The following SUZ12 variants were observed in gnomAD, a reference collection of about 807,000 sequenced individuals.
SUZ12 encodes the protein polycomb protein SUZ12.
SUZ12 carries 17 observed loss-of-function variants against 87.3 expected under a neutral mutation model. The ratio of observed to expected loss-of-function variants is 0.19; its 90% confidence interval spans 0.13 to 0.29. The LOEUF is 0.29. SUZ12 is among the 10% of genes least tolerant of loss of function. The probability of loss-of-function intolerance (pLI) is 1.00; values close to 1 mark genes in which losing one functional copy is unlikely to be tolerated. For missense variants in SUZ12, 526 were observed against 912.2 expected (o/e 0.58, Z 5.45); for synonymous variants, 253 against 312.4 (o/e 0.81, Z 2.01).
At chr17:31,973,102 A>G (rs768950266) in intron 5 of SUZ12, 44 bp from the exon 6 acceptor site, 3 of 1,498,132 alleles carry the variant, frequency 2.0e-6, no homozygotes, top group Non-Finnish European at 2.7e-6. Flanking sequence ...TACCTTGTTC[A>G]TATATTTTTT....
chr17:31,939,853 A>G (rs750145805), intron 1 of SUZ12, among the ~76,000 whole-genome samples: 30 of 152,158 alleles, frequency 2.0e-4, no homozygotes, highest in Non-Finnish European at 3.4e-4. Flanking sequence ...TTAAGTGACC[A>G]TTTAAAAAGT....
intron 8 of SUZ12, among the ~76,000 whole-genome samples, chr17:31,982,049 T>G (rs958814479): frequency 2.0e-5 from 3 of 152,240 alleles, no homozygotes; most frequent in African/African-American, 7.2e-5. Flanking sequence ...GTAGTAGTGG[T>G]TACTAGTGTT....
intron 12 of SUZ12, 21 bp from the exon 13 acceptor site, chr17:31,994,543 T>G (rs776515412): frequency 1.3e-6 from 2 of 1,566,960 alleles, no homozygotes. Flanking sequence ...ATATATTTTT[T>G]TTTTTACATT....
At chr17:31,996,211 A>G (rs1909971153) in intron 14 of SUZ12, among the ~76,000 whole-genome samples, 1 of 152,220 alleles carries the variant, frequency 6.6e-6, no homozygotes, top group South Asian at 2.1e-4. Context: ...CCCTGTATCA[A>G]AACAAACAAA....
chr17:31,956,661 CTAT>C lies in SUZ12; in HGVS notation c.455+8981_455+8983del, dbSNP rs559708291. On this transcript the variant is annotated intron_variant, in intron 4 of 15. Transcript: ENST00000322652. ...CGAAAACCCTCCCTACCCACCTCTG[CTAT>C]TATTGCACTTCTCGCCTAGTATTGT... Among the ~76,000 whole-genome samples the C allele has an allele frequency of 2.2e-3, 328 of 152,164 alleles. 1 individual carries two copies. Among genetic ancestry groups the C allele is most frequent in the African/African-American group, 7.2e-3 (298 of 41,510 alleles).
At chr17:31,953,969 C>T (rs1185154412) in intron 4 of SUZ12, among the ~76,000 whole-genome samples, 1 of 152,094 alleles carries the variant, frequency 6.6e-6, no homozygotes, top group Non-Finnish European at 1.5e-5. Flanking sequence ...GCCTCAGCCT[C>T]CCAAAGTGCT....
At chr17:31,985,652 T>C (rs1339267290) in intron 9 of SUZ12, among the ~76,000 whole-genome samples, 1 of 151,738 alleles carries the variant, frequency 6.6e-6, no homozygotes, top group African/African-American at 2.4e-5. Flanking sequence ...TGGTTTTGTT[T>C]TTGTTTTTTT....
intron 1 of SUZ12, among the ~76,000 whole-genome samples, 169 bp downstream of exon 1, chr17:31,937,689 T>C (rs1311856839): frequency 1.5e-5 from 2 of 135,156 alleles, no homozygotes; most frequent in Non-Finnish European, 3.1e-5. Flanking sequence ...GGATCCGGAG[T>C]CCAGGGCCTT....
At position 31,937,098 on chromosome 17, in the gene SUZ12, T is replaced by A; in HGVS notation, c.-149T>A. 1 of 641,994 alleles carries A rather than the reference T, an allele frequency of 1.6e-6. No individual in the cohort carries two copies. Among genetic ancestry groups the A allele is most frequent in the Middle Eastern group, 4.5e-4 (1 of 2,222 alleles). 39.8% of individuals were successfully genotyped at this position (641,994 alleles called of 1,614,324 possible). On this transcript the variant is annotated 5_prime_UTR_variant, in exon 1 of 16. Coordinates refer to ENST00000322652, the MANE Select transcript of SUZ12 (RefSeq NM_015355.4). ...TTTCCTCCCTCCTTCCCTCCTCTCC[T>A]CCTCCCTTCCCTTCCCCTCTCCTCC...
intron 4 of SUZ12, among the ~76,000 whole-genome samples, chr17:31,961,587 T>C (rs1907717455): frequency 6.6e-6 from 1 of 152,176 alleles, no homozygotes; most frequent in African/African-American, 2.4e-5. Flanking sequence ...GGCTATCCTA[T>C]GTAAGGTATA....
At chr17:31,954,015 T>A (rs182460940) in intron 4 of SUZ12, among the ~76,000 whole-genome samples, 1 of 151,884 alleles carries the variant, frequency 6.6e-6, no homozygotes, top group East Asian at 1.9e-4. Context: ...CCCGGCTCAT[T>A]TTTATTTTTA....
At chr17:31,973,039 T>A in intron 5 of SUZ12, 107 bp from the exon 6 acceptor site, 1 of 1,054,840 alleles carries the variant, frequency 9.5e-7, no homozygotes, top group Non-Finnish European at 1.3e-6. Context: ...TTTTGAGAAG[T>A]CTTACTGTGG....
chr17:31,960,242 G>A (rs1028866378), intron 4 of SUZ12, among the ~76,000 whole-genome samples: 5 of 151,676 alleles, frequency 3.3e-5, no homozygotes, highest in Non-Finnish European at 5.9e-5. Context: ...ACGGGGTCTC[G>A]CTCTGTTGCC....
At chr17:31,965,419 T>C (rs1006390892) in intron 4 of SUZ12, among the ~76,000 whole-genome samples, 1 of 152,218 alleles carries the variant, frequency 6.6e-6, no homozygotes, top group African/African-American at 2.4e-5. Context: ...TATCCCATGC[T>C]TATTGTTTTT....
rs749870682 is a variant in SUZ12 at position 31,937,052 on chromosome 17, G to T, written c.-195G>T. ...TGAGCGGCCTCCGAAGCGGAGCGGG[G>T]CTCTGAGGAGACACTTTTTTTTTCC... On this transcript the variant is annotated 5_prime_UTR_variant, in exon 1 of 16. Transcript: ENST00000322652. 4 of 475,052 alleles carry T rather than the reference G, an allele frequency of 8.4e-6. No individual in the cohort carries two copies. The highest frequency in any genetic ancestry group is 5.4e-4 in the Middle Eastern group (1 of 1,854). 29.4% of individuals were successfully genotyped at this position (475,052 alleles called of 1,614,324 possible).
intron 3 of SUZ12, among the ~76,000 whole-genome samples, chr17:31,944,779 T>C (rs1906519555): frequency 6.6e-6 from 1 of 152,208 alleles, no homozygotes; most frequent in Admixed American, 6.5e-5. Flanking sequence ...TACGTAATTA[T>C]GAATGCAAGT....
chr17:31,937,578 G>C, intron 1 of SUZ12, 58 bp downstream of exon 1: 1 of 1,525,630 alleles, frequency 6.6e-7, no homozygotes, highest in South Asian at 1.2e-5. Context: ...ACCGGGGATG[G>C]GACACTCTGC....
chr17:31,952,601 C>T (rs771157998), intron 4 of SUZ12, among the ~76,000 whole-genome samples: 8 of 152,120 alleles, frequency 5.3e-5, no homozygotes, highest in East Asian at 1.9e-4. Flanking sequence ...GTGGCTTTGT[C>T]GCTCAGGCTG....
At chr17:31,939,692 G>A (rs7215147) in intron 1 of SUZ12, among the ~76,000 whole-genome samples, 36,627 of 151,812 alleles carry the variant, frequency 0.24, 6,000 homozygotes, top group African/African-American at 0.47. Context: ...ATGCCTGGCT[G>A]TTTTTGTATA....
Sources: gnomAD v4.1 joint callset for allele counts (sites outside exome capture counted in the v4.1 genomes callset) on GRCh38, gnomAD v4.1.1 for gene constraint, MANE v1.5 for transcripts, NCBI Gene and HGNC (gene_info 2026-07-23, HGNC 2026-07-21) for gene names.